The following C8orf34 variants were observed in gnomAD, a reference collection of about 807,000 sequenced individuals.
C8orf34 encodes chromosome 8 open reading frame 34.
Under a neutral mutation model 68.3 loss-of-function variants are expected in C8orf34, and 65 were observed. The observed-to-expected ratio is 0.95, with a 90% CI of 0.78 to 1.17. C8orf34 has a LOEUF of 1.17. Among genes scored for constraint, C8orf34 ranks in the 50% most tolerant of loss-of-function variants. The probability of loss-of-function intolerance (pLI) is 0.00; values close to 1 mark genes in which losing one functional copy is unlikely to be tolerated. For missense variants in C8orf34, 664 were observed against 655.4 expected (o/e 1.01, Z -0.14); for synonymous variants, 244 against 241.2 (o/e 1.01, Z -0.11).
At chr8:68,643,336 C>A (rs1032985412) in intron 8 of C8orf34, among the ~76,000 whole-genome samples, 1 of 152,120 alleles carries the variant, frequency 6.6e-6, no homozygotes, top group Admixed American at 6.5e-5. Context: ...CAGGGCTGAG[C>A]AATTATCAGA....
intron 8 of C8orf34, among the ~76,000 whole-genome samples, chr8:68,678,726 C>T (rs1267071990): frequency 1.3e-5 from 2 of 152,014 alleles, no homozygotes; most frequent in Non-Finnish European, 2.9e-5. Context: ...CAACATCATA[C>T]TGGAAGTCCT....
chr8:68,433,388 A>G (rs984231195), intron 1 of C8orf34, among the ~76,000 whole-genome samples: 2 of 152,208 alleles, frequency 1.3e-5, no homozygotes, highest in African/African-American at 4.8e-5. Flanking sequence ...TTAATAGAGT[A>G]CAATGCCCTG....
chr8:68,592,847 T>C (rs1391578828), intron 7 of C8orf34, among the ~76,000 whole-genome samples: 1 of 152,056 alleles, frequency 6.6e-6, no homozygotes, highest in East Asian at 1.9e-4. Context: ...GACCTTGTGA[T>C]TTGCCCACTT....
At chr8:68,560,560 C>T (rs995474465) in intron 7 of C8orf34, among the ~76,000 whole-genome samples, 2 of 152,170 alleles carry the variant, frequency 1.3e-5, no homozygotes, top group African/African-American at 4.8e-5. Flanking sequence ...CTAGACGGTA[C>T]AGCCTACTAC....
At chr8:68,683,597 G>A (rs1181344443) in intron 8 of C8orf34, among the ~76,000 whole-genome samples, 3 of 151,940 alleles carry the variant, frequency 2.0e-5, no homozygotes, top group Non-Finnish European at 4.4e-5. Context: ...AAATGAAAAT[G>A]ACAAATTTGA....
rs181456159 is a variant in C8orf34, at chr8:68,379,640, A to G, written c.327+48301A>G. Among the ~76,000 whole-genome samples the G allele has an allele frequency of 4.6e-5, 7 of 152,092 alleles. No individual in the cohort carries two copies. The East Asian group carries it at 1.4e-3, about 29-fold the overall frequency. On this transcript the variant is annotated intron_variant, in intron 1 of 13. Transcript: ENST00000518698. ...AACTTTCCTTTTGTTTCTCTTTGCA[A>G]TATTATCTCATTCCTACAACAAGTC...
At chr8:68,780,826 A>C (rs1041920193) in intron 11 of C8orf34, among the ~76,000 whole-genome samples, 1 of 152,150 alleles carries the variant, frequency 6.6e-6, no homozygotes, top group Admixed American at 6.6e-5. Context: ...ATGCAACAAG[A>C]AAGTTATTTA....
At chr8:68,344,528 A>C (rs190355829) in intron 1 of C8orf34, among the ~76,000 whole-genome samples, 4 of 152,052 alleles carry the variant, frequency 2.6e-5, no homozygotes, top group Admixed American at 6.5e-5. Context: ...AGTTTTGCAA[A>C]ATATTACCAA....
intron 8 of C8orf34, among the ~76,000 whole-genome samples, chr8:68,706,422 G>A (rs980675763): frequency 6.6e-6 from 1 of 152,000 alleles, no homozygotes; most frequent in Non-Finnish European, 1.5e-5. Flanking sequence ...AGAGGCTGAA[G>A]GAGGTGAATT....
intron 8 of C8orf34, among the ~76,000 whole-genome samples, chr8:68,642,188 T>C (rs1318618882): frequency 6.6e-6 from 1 of 152,150 alleles, no homozygotes; most frequent in Non-Finnish European, 1.5e-5. Context: ...TGTCTGAAGG[T>C]GAAGATGGAG....
chr8:68,488,214 G>T (rs952249907), intron 5 of C8orf34, among the ~76,000 whole-genome samples, 163 bp downstream of exon 5: 1 of 152,080 alleles, frequency 6.6e-6, no homozygotes, highest in Admixed American at 6.6e-5. Flanking sequence ...TTTTATGAAA[G>T]CTATTCCATT....
rs909717739 is a variant in C8orf34, at chr8:68,530,411, G to C, written c.939-2572G>C. Among the ~76,000 whole-genome samples, 8 of 152,088 alleles carry C rather than the reference G, an allele frequency of 5.3e-5. No individual in the cohort carries two copies. In the South Asian group the frequency reaches 1.5e-3, roughly 28 times the overall value. ...AGCGAATGGGGCTAAAATAATACAT[G>C]AATATTGTTATTTTAAATGAATTTA... On this transcript the variant is annotated intron_variant, in intron 6 of 13. Transcript: ENST00000518698.
chr8:68,754,144 C>G (rs1361070302), intron 10 of C8orf34, among the ~76,000 whole-genome samples: 2 of 151,992 alleles, frequency 1.3e-5, no homozygotes. Flanking sequence ...CAATTTAGTT[C>G]AACAAAGTGT....
At chr8:68,430,694 T>G (rs1479940166) in intron 1 of C8orf34, among the ~76,000 whole-genome samples, 1 of 152,134 alleles carries the variant, frequency 6.6e-6, no homozygotes, top group Non-Finnish European at 1.5e-5. Flanking sequence ...AAAATGGTCC[T>G]TGTGAATGAG....
chr8:68,644,159 A>C (rs898343347), intron 8 of C8orf34, among the ~76,000 whole-genome samples: 2 of 152,218 alleles, frequency 1.3e-5, no homozygotes, highest in Admixed American at 6.5e-5. Flanking sequence ...TTATGAACTA[A>C]GTGGCATCAC....
chr8:68,671,740 G>A (rs1820017146), intron 8 of C8orf34, among the ~76,000 whole-genome samples: 1 of 151,960 alleles, frequency 6.6e-6, no homozygotes, highest in Non-Finnish European at 1.5e-5. Context: ...GTTGTCTGAG[G>A]AATTTATGTA....
intron 1 of C8orf34, among the ~76,000 whole-genome samples, chr8:68,426,006 T>C (rs1299064808): frequency 1.3e-5 from 2 of 152,148 alleles, no homozygotes; most frequent in Non-Finnish European, 2.9e-5. Context: ...TTGCGTCTTA[T>C]GCAAAAATTA....
intron 1 of C8orf34, among the ~76,000 whole-genome samples, chr8:68,361,962 A>G (rs1259058830): frequency 6.6e-6 from 1 of 152,254 alleles, no homozygotes; most frequent in Admixed American, 6.5e-5. Context: ...CAATCTCTAT[A>G]GTCAGTTATG....
intron 1 of C8orf34, among the ~76,000 whole-genome samples, chr8:68,417,203 A>G (rs1176280173): frequency 6.6e-6 from 1 of 152,200 alleles, no homozygotes; most frequent in African/African-American, 2.4e-5. Context: ...TTTATTTCTT[A>G]GAGCATTTTT....
Sources: allele counts gnomAD v4.1 joint callset (sites outside exome capture counted in the v4.1 genomes callset), GRCh38; gene constraint gnomAD v4.1.1; transcripts MANE v1.5; gene names NCBI Gene and HGNC (gene_info 2026-07-23, HGNC 2026-07-21).